The following DYNC2I1 variants were observed in gnomAD, a reference collection of about 807,000 sequenced individuals.
DYNC2I1 encodes cytoplasmic dynein 2 intermediate chain 1.
DYNC2I1 carries 89 observed loss-of-function variants against 133.4 expected under a neutral mutation model. The observed-to-expected ratio is 0.67, with a 90% confidence interval of 0.56 to 0.80. DYNC2I1 has a LOEUF of 0.80. Among genes scored for constraint, DYNC2I1 ranks in the 30% least tolerant of loss-of-function variants. The probability of loss-of-function intolerance (pLI) is 0.00; values close to 1 mark genes in which losing one functional copy is unlikely to be tolerated. For missense variants in DYNC2I1, 1,291 were observed against 1,314.5 expected (o/e 0.98, Z 0.28); for synonymous variants, 504 against 484.3 (o/e 1.04, Z -0.54).
chr7:158,866,272 CTG>C (rs1259417259), intron 1 of DYNC2I1, among the ~76,000 whole-genome samples: 34 of 151,936 alleles, frequency 2.2e-4, no homozygotes, highest in Admixed American at 2.2e-3. Context: ...TGTCCCCTCT[CTG>C]TGGTGCCCAT....
chr7:158,843,002 CTAAG>C, the DYNC2I1 span, among the ~76,000 whole-genome samples: 1 of 152,228 alleles, frequency 6.6e-6, no homozygotes, highest in African/African-American at 2.4e-5. Flanking sequence ...GGAATCTTCT[CTAAG>C]TAACATCCAC....
chr7:158,865,088 G>A (rs549133152), intron 1 of DYNC2I1, among the ~76,000 whole-genome samples: 23 of 152,342 alleles, frequency 1.5e-4, no homozygotes, highest in African/African-American at 5.5e-4. Context: ...CGTAGTGGGG[G>A]TCGGACAAGA....
chr7:158,879,170 T>A (rs1005315665), intron 4 of DYNC2I1, among the ~76,000 whole-genome samples: 1 of 152,076 alleles, frequency 6.6e-6, no homozygotes, highest in Non-Finnish European at 1.5e-5. Flanking sequence ...GACCATGACA[T>A]GAATAGGGTT....
chr7:158,889,931 G>C (rs1048199786), intron 7 of DYNC2I1, among the ~76,000 whole-genome samples: 1 of 151,006 alleles, frequency 6.6e-6, no homozygotes, highest in African/African-American at 2.4e-5. Flanking sequence ...GCTTGAACCC[G>C]GGAGGTGGAG....
intron 17 of DYNC2I1, 72 bp downstream of exon 17, chr7:158,923,805 A>G (rs1849342368): frequency 6.5e-7 from 1 of 1,539,470 alleles, no homozygotes; most frequent in Admixed American, 2.1e-5. Flanking sequence ...AAAGCTTTAC[A>G]TGGATTTGCA....
intron 5 of DYNC2I1, among the ~76,000 whole-genome samples, chr7:158,880,937 G>C (rs1027261285): frequency 6.6e-6 from 1 of 152,172 alleles, no homozygotes; most frequent in African/African-American, 2.4e-5. Flanking sequence ...TGAGGCTAGG[G>C]GAGAGTCACA....
At position 158,871,428 on chromosome 7, in the gene DYNC2I1, A is replaced by G. The variant is rs1842864334; in HGVS notation, c.356A>G (p.Lys119Arg). Residue 119 changes from lysine to arginine, a missense_variant, in exon 3 of 25, where the codon AAG becomes AGG. Physicochemically the swap from Lys to Arg is conservative, Grantham distance 26. Coordinates refer to ENST00000407559, the MANE Select transcript of DYNC2I1 (RefSeq NM_018051.5). Reference sequence around the variant, plus strand: ...GCAGAAAAGTCTCACAGCAGAGGAAAGGACAGGGAAAAAGAAAAAGACAGA... The same window carrying G: ...GCAGAAAAGTCTCACAGCAGAGGAAGGGACAGGGAAAAAGAAAAAGACAGA... ...REAEKSHSRG[K>R]DREKEKDRRA... The G allele has an allele frequency of 1.3e-6, 2 of 1,551,384 alleles. No homozygotes were observed. Among genetic ancestry groups the G allele is most frequent in the African/African-American group, 2.7e-5 (2 of 73,046 alleles).
intron 1 of DYNC2I1, among the ~76,000 whole-genome samples, chr7:158,863,605 G>A (rs1406566453): frequency 1.6e-5 from 2 of 121,790 alleles, no homozygotes; most frequent in African/African-American, 6.4e-5. Context: ...TGAGCCGGAC[G>A]TCCTTAGCTC....
At chr7:158,900,278 C>A (rs1416892631) in intron 8 of DYNC2I1, among the ~76,000 whole-genome samples, 3 of 151,972 alleles carry the variant, frequency 2.0e-5, no homozygotes, top group Non-Finnish European at 4.4e-5. Flanking sequence ...AGTGCCACCA[C>A]GCCCAGCTAA....
chr7:158,905,985 A>G lies in DYNC2I1; in HGVS notation c.1358-4A>G, dbSNP rs1434306757. 4 of 1,612,210 alleles carry G rather than the reference A, an allele frequency of 2.5e-6. No homozygotes were observed. Among genetic ancestry groups the G allele is most frequent in the Non-Finnish European group, 3.4e-6 (4 of 1,179,186 alleles). ...GAAAAATAGTGTTTTTCTCCCTCAC[A>G]CAGATACAAACAGTTCCCCTTCCAG... On this transcript the variant is annotated splice_polypyrimidine_tract_variant and splice_region_variant and intron_variant, in intron 10 of 24. Transcript: ENST00000407559.
At chr7:158,931,691 A>G (rs999495443) in intron 21 of DYNC2I1, among the ~76,000 whole-genome samples, 1 of 152,250 alleles carries the variant, frequency 6.6e-6, no homozygotes, top group Non-Finnish European at 1.5e-5. Flanking sequence ...TTTCTTACCC[A>G]AAAACTCCTA....
At chr7:158,908,128 G>A (rs1454545703) in intron 11 of DYNC2I1, among the ~76,000 whole-genome samples, 1 of 151,954 alleles carries the variant, frequency 6.6e-6, no homozygotes, top group Non-Finnish European at 1.5e-5. Context: ...CTTTATACGC[G>A]TGTGGGGTGA....
chr7:158,914,891 G>A (rs1847865585), intron 14 of DYNC2I1, among the ~76,000 whole-genome samples: 1 of 152,160 alleles, frequency 6.6e-6, no homozygotes, highest in African/African-American at 2.4e-5. Context: ...ATCTCAAAAA[G>A]CAGAGAATGT....
chr7:158,927,091 C>A (rs141517918), intron 20 of DYNC2I1, 48 bp downstream of exon 20: 2 of 1,401,226 alleles, frequency 1.4e-6, no homozygotes, highest in Non-Finnish European at 2.0e-6. Flanking sequence ...TAAAATGAAT[C>A]GAGATTAAAA....
At position 158,926,246 on chromosome 7, in the gene DYNC2I1, A is replaced by G. The variant is rs770249657; in HGVS notation, c.2317A>G (p.Thr773Ala). The change falls in exon 18 of 25, where the codon ACG (threonine) becomes GCG (alanine). Residue 773 changes from threonine (T) to alanine (A), a missense_variant. Transcript: ENST00000407559. ...TCTTCAAGCAGTAGAACCTATCTCA[A>G]CGTCCGTCCACAAAAAGCAGAGCTT... ...SPLQAVEPIS[T>A]SVHKKQSFVL... The G allele has an allele frequency of 3.5e-5, 56 of 1,613,494 alleles. No homozygotes were observed. The highest frequency in any genetic ancestry group is 8.3e-5 in the Admixed American group (5 of 59,952).
intron 5 of DYNC2I1, among the ~76,000 whole-genome samples, chr7:158,883,275 T>C (rs1412033817): frequency 3.3e-5 from 5 of 150,422 alleles, no homozygotes; most frequent in African/African-American, 1.2e-4. Flanking sequence ...CAGAGAGCAG[T>C]GGTGTGATCT....
chr7:158,937,288 C>T (rs1307579981), intron 23 of DYNC2I1, among the ~76,000 whole-genome samples: 5 of 152,162 alleles, frequency 3.3e-5, no homozygotes, highest in Non-Finnish European at 5.9e-5. Flanking sequence ...CAGAGTGGAT[C>T]AAGTAGAGGA....
chr7:158,894,741 A>G (rs1845607347), intron 8 of DYNC2I1, among the ~76,000 whole-genome samples: 1 of 152,140 alleles, frequency 6.6e-6, no homozygotes, highest in Non-Finnish European at 1.5e-5. Flanking sequence ...TGATGAGAGT[A>G]TGTTTAGTTT....
intron 4 of DYNC2I1, among the ~76,000 whole-genome samples, chr7:158,952,640 C>T (rs755720036): frequency 3.3e-5 from 5 of 150,730 alleles, no homozygotes; most frequent in African/African-American, 9.8e-5. Context: ...AACCCCCAGC[C>T]GCATCATAAG....
Sources: allele counts gnomAD v4.1 joint callset (sites outside exome capture counted in the v4.1 genomes callset), GRCh38; gene constraint gnomAD v4.1.1; transcripts MANE v1.5; gene names NCBI Gene and HGNC (gene_info 2026-07-23, HGNC 2026-07-21).